Variants in AHRR observed in about 807,000 individuals in gnomAD.
AHRR encodes ahR repressor.
A neutral mutation model predicts 44.0 loss-of-function variants in AHRR; 28 were observed. The observed-to-expected ratio is 0.64, with a 90% CI of 0.47 to 0.87. The LOEUF is 0.87. AHRR is among the 40% of genes least tolerant of loss of function. The probability of loss-of-function intolerance (pLI) is 0.00; values close to 1 mark genes in which losing one functional copy is unlikely to be tolerated. For missense variants in AHRR, 990 were observed against 953.9 expected, an observed-to-expected ratio of 1.04 and a Z score of -0.50; for synonymous variants, 434 against 407.0, an observed-to-expected ratio of 1.07 and a Z score of -0.80.
intron 1 of AHRR, among the ~76,000 whole-genome samples, chr5:327,249 T>G (rs1741743415): frequency 6.6e-6 from 1 of 152,260 alleles, no homozygotes; most frequent in East Asian, 1.9e-4. Context: ...TGTACACATT[T>G]ATGGGTTCAT....
At position 368,215 on chromosome 5, in the gene AHRR, G is replaced by A. The variant is rs537767010; in HGVS notation, c.245-8395G>A. Among the ~76,000 whole-genome samples, 7 of 152,110 alleles carry A rather than the reference G, an allele frequency of 4.6e-5. No homozygotes were observed. In the East Asian group the frequency reaches 5.8e-4, roughly 13 times the overall value. ...AGGGCAGAGGACTCAGTGAGGGCTC[G>A]GTGCCCTCTTCCGCAGTAGGAGAGG... On this transcript the variant is annotated intron_variant, in intron 3 of 10. Coordinates refer to ENST00000684583, the MANE Select transcript of AHRR (RefSeq NM_001377236.1).
chr5:422,542 C>G, intron 5 of AHRR, 187 bp from the exon 6 acceptor site: 1 of 741,616 alleles, frequency 1.3e-6, no homozygotes, highest in Non-Finnish European at 2.2e-6. Flanking sequence ...CTCCAGGCAA[C>G]TTAGACATCT....
intron 4 of AHRR, among the ~76,000 whole-genome samples, chr5:408,104 T>C (rs1275185884): frequency 6.6e-6 from 1 of 152,242 alleles, no homozygotes; most frequent in Non-Finnish European, 1.5e-5. Flanking sequence ...GTGGTTGTAG[T>C]ACGAAAGCAG....
chr5:429,715 G>A (rs1305418847), intron 8 of AHRR, among the ~76,000 whole-genome samples: 3 of 152,246 alleles, frequency 2.0e-5, no homozygotes, highest in Non-Finnish European at 4.4e-5. Context: ...GAGTGGGAAA[G>A]GAATCTTAGC....
chr5:391,342 GGCGCAGGGCGAGGCAGGGCCAGAGC>G (rs1734420655), intron 4 of AHRR, among the ~76,000 whole-genome samples: 6 of 129,184 alleles, frequency 4.6e-5, no homozygotes, highest in African/African-American at 1.5e-4. Flanking sequence ...GGGCGAGGCG[GGCGCAGGGCGAGGCAGGGCCAGAGC>G]GTGCATGGGC....
intron 4 of AHRR, 32 bp from the exon 5 acceptor site, chr5:413,312 G>T (rs1029613955): frequency 7.0e-7 from 1 of 1,428,444 alleles, no homozygotes; most frequent in Non-Finnish European, 9.5e-7. Flanking sequence ...GAGCCAATTC[G>T]ATTTTTTTTT....
chr5:376,555 A>ACCGGGGGGT, intron 3 of AHRR, 55 bp from the exon 4 acceptor site: 18 of 1,431,524 alleles, frequency 1.3e-5, no homozygotes, highest in Non-Finnish European at 1.4e-5. Flanking sequence ...TGAATGAAGA[A>ACCGGGGGGT]GAGTGGCCAG....
In AHRR at chr5:430,278, C is replaced by T. The variant is rs528390792; in HGVS notation, c.909-2185C>T. On this transcript the variant is annotated intron_variant, in intron 8 of 10. Transcript: ENST00000684583. The stretch of plus-strand genomic sequence containing the variant: ...TTGAGATCTGGGACTCAGCAGCACC[C>T]GGCACGCTGCCGTCCCTCCTGTTCT... Among the ~76,000 whole-genome samples, 26 of 152,366 alleles carry T rather than the reference C, an allele frequency of 1.7e-4. No individual in the cohort carries two copies. The South Asian group carries it at 2.5e-3, about 15-fold the overall frequency.
intron 2 of AHRR, 140 bp downstream of exon 2, chr5:344,104 G>A: frequency 1.2e-6 from 1 of 814,230 alleles, no homozygotes; most frequent in Non-Finnish European, 1.8e-6. Flanking sequence ...GCTGAGCTCC[G>A]GCGCGGGCGG....
intron 4 of AHRR, among the ~76,000 whole-genome samples, chr5:396,116 C>T (rs990486400): frequency 3.3e-5 from 5 of 152,246 alleles, no homozygotes; most frequent in African/African-American, 7.2e-5. Context: ...AGCCCAGGAG[C>T]GGGAGGGTCC....
At chr5:344,413 T>G (rs1742498245) in intron 2 of AHRR, among the ~76,000 whole-genome samples, 1 of 32,708 alleles carries the variant, frequency 3.1e-5, no homozygotes, top group African/African-American at 1.6e-4. Flanking sequence ...GCTGCGGGGG[T>G]GTGTGCGGTA....
Position 437,467 on chromosome 5 carries a change from C to T in AHRR, c.*2633C>T, listed in dbSNP as rs1201485433. The T allele has an allele frequency of 1.3e-5, 2 of 152,388 alleles. No individual in the cohort carries two copies. The highest frequency in any genetic ancestry group is 6.5e-5 in the Admixed American group (1 of 15,286). 9.4% of individuals were successfully genotyped at this position (152,388 alleles called of 1,614,324 possible). A position where few individuals can be genotyped will look rare whatever the true frequency, so the allele number is the denominator to read the frequency against. On this transcript the variant is annotated 3_prime_UTR_variant, in exon 11 of 11. Transcript: ENST00000684583. ...CCAACGGCTGTCACTGGGAAAAACA[C>T]CAGGCCCCAAAGATCGAATCAGAGA...
chr5:413,746 C>A (rs1421765747), intron 5 of AHRR, among the ~76,000 whole-genome samples: 3 of 152,206 alleles, frequency 2.0e-5, no homozygotes, highest in African/African-American at 7.2e-5. Context: ...CCAGCACCAT[C>A]CCATTCAGCC....
intron 4 of AHRR, among the ~76,000 whole-genome samples, 173 bp from the exon 5 acceptor site, chr5:413,171 A>G: frequency 6.6e-6 from 1 of 152,212 alleles, no homozygotes; most frequent in East Asian, 1.9e-4. Flanking sequence ...TTGCCTGTTA[A>G]CTTGGAGCCT....
rs551941101 is a variant in AHRR, at chr5:396,314, A to AC, written c.352-17024dup. Among the ~76,000 whole-genome samples the AC allele has an allele frequency of 9.9e-4, 150 of 151,902 alleles. 7 individuals carry two copies. In the East Asian group the frequency reaches 0.012, roughly 12 times the overall value. On this transcript the variant is annotated intron_variant, in intron 4 of 10. Coordinates refer to ENST00000684583, the MANE Select transcript of AHRR (RefSeq NM_001377236.1). ...AGCAGGCTGGGAGGGGGCATCCCAC[A>AC]CCCCCCTTTGTCCCTGACTTTAGAG... is the stretch of plus-strand genomic sequence containing the variant.
chr5:424,104 G>T, intron 7 of AHRR, 127 bp downstream of exon 7: 1 of 1,356,398 alleles, frequency 7.4e-7, no homozygotes, highest in Non-Finnish European at 1.0e-6. Context: ...GAGGGACGGG[G>T]GCCGGTGCTG....
intron 1 of AHRR, among the ~76,000 whole-genome samples, chr5:328,284 T>A (rs1263158050): frequency 7.7e-6 from 1 of 130,652 alleles, no homozygotes; most frequent in African/African-American, 3.6e-5. Context: ...TTTTTTTTTT[T>A]TGAGACAGAG....
At chr5:431,643 C>T (rs1736737038) in intron 8 of AHRR, among the ~76,000 whole-genome samples, 1 of 152,104 alleles carries the variant, frequency 6.6e-6, no homozygotes, top group Non-Finnish European at 1.5e-5. Context: ...CCTAGCAGCC[C>T]CCAACAGCCC....
At position 419,589 on chromosome 5, in the gene AHRR, C is replaced by T. The variant is rs1027589890; in HGVS notation, c.442-3140C>T. Among the ~76,000 whole-genome samples, 1 of 152,138 alleles carries T rather than the reference C, an allele frequency of 6.6e-6. No individual in the cohort carries two copies. The highest frequency in any genetic ancestry group is 2.4e-5 in the African/African-American group (1 of 41,412). ...CTGCGTTTCACTTCTAAAAAACTGG[C>T]CCTAAAACGTGTCAAGAGCTCGCAC... On this transcript the variant is annotated intron_variant, in intron 5 of 10. Coordinates refer to ENST00000684583, the MANE Select transcript of AHRR (RefSeq NM_001377236.1). The surrounding 1 kb of genome is among the most constrained non-coding windows in gnomAD (Gnocchi z 4.4).
Sources: gnomAD v4.1 joint callset for allele counts (sites outside exome capture counted in the v4.1 genomes callset) on GRCh38, gnomAD v4.1.1 for gene constraint, Gnocchi (gnomAD v3.1) non-coding constraint, MANE v1.5 for transcripts, NCBI Gene and HGNC (gene_info 2026-07-23, HGNC 2026-07-21) for gene names.